Variants in MTHFD1L observed in about 807,000 individuals in gnomAD.
MTHFD1L encodes methylenetetrahydrofolate dehydrogenase (NADP+ dependent) 1 like, also known as monofunctional C1-tetrahydrofolate synthase, mitochondrial.
A neutral mutation model predicts 119.5 loss-of-function variants in MTHFD1L; 81 were observed. The ratio of observed to expected loss-of-function variants is 0.68; its 90% CI spans 0.57 to 0.82. The LOEUF (loss-of-function observed/expected upper bound fraction) is 0.82, where lower values mean the gene tolerates loss of function less well. Ranked by LOEUF, MTHFD1L falls within the 40% of genes least tolerant of loss-of-function variation. MTHFD1L has a pLI of 0.00. For missense variants in MTHFD1L, 1,125 were observed against 1,253.4 expected (o/e 0.90, Z 1.55); for synonymous variants, 430 against 475.2 (o/e 0.90, Z 1.24).
At chr6:151,092,686 T>C (rs1345522188) in intron 27 of MTHFD1L, 99 bp downstream of exon 27, 2 of 683,564 alleles carry the variant, frequency 2.9e-6, no homozygotes, top group East Asian at 5.5e-5. Context: ...AGTGATCTGA[T>C]AAATCCTTTC....
chr6:151,070,238 ATAATTTATGTT>A (rs1416834044), intron 26 of MTHFD1L, among the ~76,000 whole-genome samples: 3 of 152,238 alleles, frequency 2.0e-5, no homozygotes, highest in Non-Finnish European at 4.4e-5. Context: ...ATAAAGTACT[ATAATTTATGTT>A]TAAATGTCTT....
intron 24 of MTHFD1L, among the ~76,000 whole-genome samples, chr6:151,018,552 G>T (rs1783483025): frequency 6.6e-6 from 1 of 152,168 alleles, no homozygotes; most frequent in South Asian, 2.1e-4. Flanking sequence ...TAAGTCAACT[G>T]CTCAGTGTCC....
At chr6:150,901,749 T>A (rs971683396) in intron 7 of MTHFD1L, among the ~76,000 whole-genome samples, 1 of 152,216 alleles carries the variant, frequency 6.6e-6, no homozygotes, top group Non-Finnish European at 1.5e-5. Context: ...GTTATTGTAA[T>A]TTCAGAAGCA....
At chr6:151,008,270 T>C (rs543073076) in intron 20 of MTHFD1L, among the ~76,000 whole-genome samples, 1 of 152,384 alleles carries the variant, frequency 6.6e-6, no homozygotes, top group African/African-American at 2.4e-5. Context: ...AAACTGATCA[T>C]GTTAAATGTT....
chr6:150,920,915 G>T (rs1442307436), intron 9 of MTHFD1L, among the ~76,000 whole-genome samples: 1 of 147,918 alleles, frequency 6.8e-6, no homozygotes, highest in Non-Finnish European at 1.5e-5. Flanking sequence ...TGGGATTACA[G>T]GCACATGCCA....
intron 24 of MTHFD1L, among the ~76,000 whole-genome samples, chr6:151,031,083 T>C (rs1230135210): frequency 1.3e-5 from 2 of 152,232 alleles, no homozygotes; most frequent in African/African-American, 4.8e-5. Context: ...AACTTTGTAC[T>C]CAGGCAGTAA....
intron 26 of MTHFD1L, among the ~76,000 whole-genome samples, chr6:151,076,248 G>A (rs989990978): frequency 1.2e-4 from 17 of 146,248 alleles, no homozygotes; most frequent in Non-Finnish European, 2.4e-4. Context: ...TGCTCACTTG[G>A]GAGGATGAGG....
Position 150,886,047 on chromosome 6 carries a change from A to G in MTHFD1L, c.643+313A>G, listed in dbSNP as rs371212167. 2.2e-4 allele frequency among the ~76,000 whole-genome samples: 34 copies of G among 152,366 alleles called. No individual in the cohort carries two copies. In the East Asian group the frequency reaches 3.5e-3, roughly 16 times the overall value. On this transcript the variant is annotated intron_variant, in intron 6 of 27. Coordinates refer to ENST00000367321, the MANE Select transcript of MTHFD1L (RefSeq NM_015440.5). ...GTTTTAAACATGCTCAATTTCTCTCATGAAACAGTCAAAATAACCACAGTA... is the reference window on the plus strand; with the variant it reads ...GTTTTAAACATGCTCAATTTCTCTCGTGAAACAGTCAAAATAACCACAGTA...
chr6:150,908,473 A>C (rs1786306899), intron 8 of MTHFD1L, among the ~76,000 whole-genome samples: 1 of 151,776 alleles, frequency 6.6e-6, no homozygotes, highest in Admixed American at 6.6e-5. Context: ...AAAAATACAA[A>C]AAAATTAGCT....
Position 150,944,536 on chromosome 6 carries a change from C to G in MTHFD1L, c.1491C>G (p.Asn497Lys). 2.5e-6 allele frequency: 4 copies of G among 1,614,158 alleles called. No homozygotes were observed. The highest frequency in any genetic ancestry group is 3.4e-6 in the Non-Finnish European group (4 of 1,180,016). ...GDIHAITAAN[N>K]LLAAAIDTRI... The stretch of plus-strand genomic sequence containing the variant: ...TCCACGCCATCACCGCTGCCAATAA[C>G]TTGCTGGCTGCCGCCATCGACACGA... The change falls in exon 14 of 28, where the codon AAC (asparagine) becomes AAG (lysine). Residue 497 changes from asparagine to lysine, a missense_variant. By Grantham distance (94) the Asn-to-Lys change is moderately conservative. This residue lies in a region of MTHFD1L where 1,058 missense variants were observed against 1,151.2 expected (regional missense o/e 0.92). Transcript: ENST00000367321.
At chr6:150,893,560 C>T (rs1783706491) in intron 7 of MTHFD1L, among the ~76,000 whole-genome samples, 1 of 152,200 alleles carries the variant, frequency 6.6e-6, no homozygotes, top group Non-Finnish European at 1.5e-5. Flanking sequence ...TTGTACCTGA[C>T]ATGGAACAAG....
intron 20 of MTHFD1L, among the ~76,000 whole-genome samples, chr6:150,994,064 T>TAAAAAA (rs746589557): frequency 4.0e-5 from 3 of 74,276 alleles, no homozygotes; most frequent in African/African-American, 1.5e-4. Context: ...ACAACAACAG[T>TAAAAAA]AAAAAAAAAA....
chr6:150,917,432 G>A (rs1788164702), intron 8 of MTHFD1L, among the ~76,000 whole-genome samples: 2 of 152,062 alleles, frequency 1.3e-5, no homozygotes, highest in African/African-American at 4.8e-5. Flanking sequence ...GGAGGTTGCG[G>A]TGAGCTGAGA....
intron 20 of MTHFD1L, among the ~76,000 whole-genome samples, chr6:150,986,657 G>C (rs937892346): frequency 6.6e-6 from 1 of 152,228 alleles, no homozygotes; most frequent in African/African-American, 2.4e-5. Flanking sequence ...ACCTCCTGCT[G>C]TGCGACCCAG....
chr6:150,994,094 A>AAAGAAGAAAG (rs1482239065), intron 20 of MTHFD1L, among the ~76,000 whole-genome samples: 4 of 119,600 alleles, frequency 3.3e-5, no homozygotes, highest in Non-Finnish European at 5.6e-5. Flanking sequence ...AGAAAGAAAG[A>AAAGAAGAAAG]AAGTGACCCA....
chr6:151,014,085 C>T (rs1193135382), intron 22 of MTHFD1L, among the ~76,000 whole-genome samples: 1 of 152,120 alleles, frequency 6.6e-6, no homozygotes, highest in Non-Finnish European at 1.5e-5. Flanking sequence ...ATTAGCTGGG[C>T]ATGGTGGCTC....
chr6:150,936,531 G>GT (rs749140507), intron 11 of MTHFD1L, among the ~76,000 whole-genome samples: 6 of 152,184 alleles, frequency 3.9e-5, no homozygotes, highest in Admixed American at 6.5e-5. Context: ...ATTTTGATGA[G>GT]TGGTTTTATG....
chr6:151,082,722 T>C (rs904596991), intron 26 of MTHFD1L, among the ~76,000 whole-genome samples: 3 of 152,130 alleles, frequency 2.0e-5, no homozygotes, highest in African/African-American at 2.4e-5. Flanking sequence ...GTCCTTCATC[T>C]CATTTGAATT....
At chr6:150,986,406 G>T (rs1778304412) in intron 20 of MTHFD1L, among the ~76,000 whole-genome samples, 2 of 152,182 alleles carry the variant, frequency 1.3e-5, no homozygotes, top group Non-Finnish European at 1.5e-5. Flanking sequence ...ACATCTGTAT[G>T]TATGTGCTGT....
Sources: allele counts gnomAD v4.1 joint callset (sites outside exome capture counted in the v4.1 genomes callset), GRCh38; gene constraint gnomAD v4.1.1; regional missense constraint gnomAD v4.1.1; transcripts MANE v1.5; gene names NCBI Gene and HGNC (gene_info 2026-07-23, HGNC 2026-07-21).